The following TENM3 variants were observed in gnomAD, a reference collection of about 807,000 sequenced individuals.
TENM3 encodes teneurin-3.
TENM3 carries 63 observed loss-of-function variants against 255.1 expected under a neutral mutation model. The ratio of observed to expected loss-of-function variants is 0.25; its 90% CI spans 0.20 to 0.30. The LOEUF is 0.30. Among genes scored for constraint, TENM3 ranks in the 10% least tolerant of loss-of-function variants. TENM3 has a pLI of 1.00. For missense variants in TENM3, 2,929 were observed against 3,461.1 expected (o/e 0.85, Z 3.86); for synonymous variants, 1,306 against 1,322.3 (o/e 0.99, Z 0.27).
chr4:182,286,722 C>A (rs1760751730), intron 1 of TENM3, among the ~76,000 whole-genome samples: 4 of 152,240 alleles, frequency 2.6e-5, no homozygotes, highest in African/African-American at 9.6e-5. Context: ...TACGAAAAAA[C>A]CCCACTCTTT....
At chr4:182,375,366 C>T (rs960526947) in intron 3 of TENM3, among the ~76,000 whole-genome samples, 7 of 151,950 alleles carry the variant, frequency 4.6e-5, no homozygotes, top group East Asian at 1.9e-4. Context: ...GCGGAATGAA[C>T]GAAATGTCCA....
the TENM3 span, among the ~76,000 whole-genome samples, chr4:181,773,631 G>A: frequency 2.6e-5 from 4 of 152,198 alleles, no homozygotes; most frequent in African/African-American, 7.2e-5. Flanking sequence ...TACTGAATTA[G>A]TGATTCCTAC....
chr4:181,922,795 C>A, the TENM3 span, among the ~76,000 whole-genome samples: 2 of 150,376 alleles, frequency 1.3e-5, no homozygotes, highest in African/African-American at 4.9e-5. Context: ...TGTGTTTGCT[C>A]TTGCTTTTCT....
At chr4:181,707,516 G>T in the TENM3 span, among the ~76,000 whole-genome samples, 1 of 152,186 alleles carries the variant, frequency 6.6e-6, no homozygotes, top group Admixed American at 6.5e-5. Context: ...TCTTCTTATC[G>T]AAAATGGGAT....
Position 182,395,182 on chromosome 4 carries a change from T to G in TENM3, c.511+48253T>G, listed in dbSNP as rs138142432. ...AATTCTTAACACATGGATTTGTCCCTGATATGACACTTCTGAAACAAATGG... is the reference window on the plus strand; with the variant it reads ...AATTCTTAACACATGGATTTGTCCCGGATATGACACTTCTGAAACAAATGG... On this transcript the variant is annotated intron_variant, in intron 3 of 27. Coordinates refer to ENST00000511685, the MANE Select transcript of TENM3 (RefSeq NM_001080477.4). 5.9e-3 allele frequency among the ~76,000 whole-genome samples: 905 copies of G among 152,310 alleles called. 11 individuals carry two copies. The highest frequency in any genetic ancestry group is 0.021 in the African/African-American group (863 of 41,568).
At chr4:181,614,946 A>C in the TENM3 span, among the ~76,000 whole-genome samples, 1 of 152,212 alleles carries the variant, frequency 6.6e-6, no homozygotes, top group African/African-American at 2.4e-5. Context: ...GCTAGCTTGT[A>C]GAGTGAATCA....
intron 3 of TENM3, among the ~76,000 whole-genome samples, chr4:182,596,140 T>A (rs1321362884): frequency 6.6e-6 from 1 of 152,130 alleles, no homozygotes; most frequent in Non-Finnish European, 1.5e-5. Flanking sequence ...TCCAAAAAAA[T>A]TTGAGTTAGA....
chr4:182,280,131 T>C (rs1029737212), intron 1 of TENM3, among the ~76,000 whole-genome samples: 1 of 152,216 alleles, frequency 6.6e-6, no homozygotes, highest in African/African-American at 2.4e-5. Flanking sequence ...GGACCCAGTG[T>C]GGACATCAAA....
At chr4:181,779,710 C>CAT in the TENM3 span, among the ~76,000 whole-genome samples, 5 of 151,928 alleles carry the variant, frequency 3.3e-5, no homozygotes, top group African/African-American at 1.2e-4. Context: ...CATATGTATA[C>CAT]GTGTGCCATG....
At chr4:181,743,288 A>G in the TENM3 span, among the ~76,000 whole-genome samples, 3 of 152,282 alleles carry the variant, frequency 2.0e-5, no homozygotes, top group African/African-American at 7.2e-5. Flanking sequence ...TTACAGTCTC[A>G]CCAACAGTGT....
intron 12 of TENM3, among the ~76,000 whole-genome samples, chr4:182,709,586 T>C (rs1758596858): frequency 6.6e-6 from 1 of 152,200 alleles, no homozygotes; most frequent in Admixed American, 6.5e-5. Flanking sequence ...ATGATGTTTA[T>C]ATTGTTGCAA....
intron 13 of TENM3, among the ~76,000 whole-genome samples, chr4:182,727,983 C>G (rs1280858921): frequency 6.6e-6 from 1 of 151,714 alleles, no homozygotes; most frequent in East Asian, 1.9e-4. Flanking sequence ...GCCTCAGCCT[C>G]CTGAGTAGCT....
the TENM3 span, among the ~76,000 whole-genome samples, chr4:181,480,564 A>G: frequency 8.6e-5 from 13 of 151,986 alleles, no homozygotes; most frequent in Admixed American, 4.6e-4. Flanking sequence ...ATTTAGAAGG[A>G]ATATTTTTTA....
chr4:182,718,683 A>T (rs1057185594), intron 13 of TENM3, among the ~76,000 whole-genome samples: 1 of 152,162 alleles, frequency 6.6e-6, no homozygotes. Flanking sequence ...GCCAAAGTAT[A>T]GCCTTTTGAC....
intron 3 of TENM3, among the ~76,000 whole-genome samples, chr4:182,361,183 T>C (rs1189834650): frequency 6.6e-6 from 1 of 152,154 alleles, no homozygotes; most frequent in Non-Finnish European, 1.5e-5. Context: ...CTTTGGTGAA[T>C]CTGACAATTA....
the TENM3 span, among the ~76,000 whole-genome samples, chr4:182,024,248 T>C: frequency 6.6e-6 from 1 of 152,204 alleles, no homozygotes; most frequent in African/African-American, 2.4e-5. Context: ...ATTTGTTTTG[T>C]TTACAAGAAA....
chr4:181,922,980 AT>A, the TENM3 span, among the ~76,000 whole-genome samples: 1 of 152,032 alleles, frequency 6.6e-6, no homozygotes, highest in Non-Finnish European at 1.5e-5. Context: ...ATCTGCCTTC[AT>A]TTCGTTATGT....
chr4:182,611,563 A>AT (rs1246334253), intron 4 of TENM3, among the ~76,000 whole-genome samples: 2 of 152,150 alleles, frequency 1.3e-5, no homozygotes, highest in African/African-American at 2.4e-5. Context: ...ACATTTTTAC[A>AT]TTTTAAGTAA....
chr4:181,955,085 G>C, the TENM3 span, among the ~76,000 whole-genome samples: 2 of 152,058 alleles, frequency 1.3e-5, no homozygotes, highest in African/African-American at 4.8e-5. Flanking sequence ...TATTACATAA[G>C]ACTTTTTAAA....
Sources: allele counts gnomAD v4.1 joint callset (sites outside exome capture counted in the v4.1 genomes callset), GRCh38; gene constraint gnomAD v4.1.1; transcripts MANE v1.5; gene names NCBI Gene and HGNC (gene_info 2026-07-23, HGNC 2026-07-21).